The following P2RY8 variants were observed in gnomAD, a reference collection of about 807,000 sequenced individuals.
P2RY8 encodes S-geranylgeranyl-glutathione receptor P2RY8.
A neutral mutation model predicts 10.0 loss-of-function variants in P2RY8; 6 were observed. That is an observed-to-expected ratio of 0.60 (90% CI 0.33 to 1.19). The LOEUF (loss-of-function observed/expected upper bound fraction) is 1.19. Ranked by LOEUF, P2RY8 falls within the 50% of genes most tolerant of loss-of-function variation. The pLI is 0.04. For missense variants in P2RY8, 456 were observed against 542.0 expected (o/e 0.84, Z 1.58); for synonymous variants, 276 against 252.5 (o/e 1.09, Z -0.88).
intron 1 of P2RY8, among the ~76,000 whole-genome samples, chrX:1,506,168 T>G (rs112234345): frequency 6.6e-6 from 1 of 152,002 alleles, no homozygotes; most frequent in South Asian, 2.1e-4. Flanking sequence ...AATTTTTGTA[T>G]TTTTAGTAGA....
chrX:1,527,464 T>C (rs2092446627), intron 1 of P2RY8, among the ~76,000 whole-genome samples: 1 of 152,174 alleles, frequency 6.6e-6, no homozygotes, highest in African/African-American at 2.4e-5. Flanking sequence ...CACTCATCCA[T>C]CCATCCGTTC....
chrX:1,524,401 C>CCCTCCATCCATG (rs1556685860), intron 1 of P2RY8, among the ~76,000 whole-genome samples: 3 of 37,242 alleles, frequency 8.1e-5, no homozygotes, highest in African/African-American at 2.3e-4. Context: ...ATCCCTCCAT[C>CCCTCCATCCATG]CATGCATGCA....
chrX:1,485,387 C>T (rs1261630423), intron 1 of P2RY8, among the ~76,000 whole-genome samples: 2 of 152,066 alleles, frequency 1.3e-5, no homozygotes, highest in African/African-American at 2.4e-5. Context: ...AATCCACTTG[C>T]CTTGGCCACC....
At chrX:1,482,293 G>GAAA (rs770409627) in intron 1 of P2RY8, among the ~76,000 whole-genome samples, 123 of 129,812 alleles carry the variant, frequency 9.5e-4, no homozygotes, top group African/African-American at 3.1e-3. Flanking sequence ...GCCATTTGGT[G>GAAA]AAAAAAAAAA....
intron 1 of P2RY8, among the ~76,000 whole-genome samples, chrX:1,504,444 C>T (rs2092211441): frequency 1.3e-5 from 2 of 152,166 alleles, no homozygotes; most frequent in African/African-American, 4.8e-5. Context: ...ACCCTGTCCA[C>T]CTCATGACAG....
chrX:1,531,478 G>C (rs1364839715), intron 1 of P2RY8, among the ~76,000 whole-genome samples: 1 of 152,068 alleles, frequency 6.6e-6, no homozygotes, highest in Non-Finnish European at 1.5e-5. Flanking sequence ...TGCCCAGCCC[G>C]AGGGGTTAGC....
At chrX:1,533,610 TATTATATATTTATATA>T (rs2092498584) in intron 1 of P2RY8, among the ~76,000 whole-genome samples, 1 of 82,870 alleles carries the variant, frequency 1.2e-5, no homozygotes, top group Non-Finnish European at 2.3e-5. Context: ...TATTTAAATA[TATTATATATTTATATA>T]TTATTATTTA....
At position 1,466,564 on chromosome X, in the gene P2RY8, AG is replaced by A; in HGVS notation, c.-7del. On this transcript the variant is annotated 5_prime_UTR_variant, in exon 2 of 2. Coordinates refer to ENST00000381297, the MANE Select transcript of P2RY8 (RefSeq NM_178129.5). The stretch of plus-strand genomic sequence containing the variant: ...GTGCTGTTCGGGACCTGCATCCTGG[AG>A]GGGTCCTCGCCCGGGCTCTGCAAGG... 1 of 1,601,574 alleles carries A rather than the reference AG, an allele frequency of 6.2e-7. No individual in the cohort carries two copies. Among genetic ancestry groups the A allele is most frequent in the East Asian group, 2.2e-5 (1 of 44,802 alleles).
At chrX:1,534,211 T>C (rs1216298478) in intron 1 of P2RY8, among the ~76,000 whole-genome samples, 1 of 141,626 alleles carries the variant, frequency 7.1e-6, no homozygotes, top group East Asian at 2.0e-4. Flanking sequence ...TATATTTATA[T>C]ACTTACTATT....
At chrX:1,468,344 G>A (rs1277973870) in intron 1 of P2RY8, among the ~76,000 whole-genome samples, 3 of 152,200 alleles carry the variant, frequency 2.0e-5, no homozygotes, top group South Asian at 2.1e-4. Context: ...GGCCACCCTC[G>A]TGTCTGTACC....
intron 1 of P2RY8, among the ~76,000 whole-genome samples, chrX:1,510,961 G>T (rs868415398): frequency 6.6e-6 from 1 of 151,902 alleles, no homozygotes; most frequent in Non-Finnish European, 1.5e-5. Context: ...GGTGGATCAC[G>T]GGGTCAGGAG....
chrX:1,506,319 C>T (rs1167788452), intron 1 of P2RY8, among the ~76,000 whole-genome samples: 1 of 151,988 alleles, frequency 6.6e-6, no homozygotes, highest in Non-Finnish European at 1.5e-5. Context: ...AAACATGCTC[C>T]CCTGTGCCCT....
chrX:1,467,864 A>G (rs1417565565), intron 1 of P2RY8, among the ~76,000 whole-genome samples: 1 of 152,048 alleles, frequency 6.6e-6, no homozygotes. Context: ...TTTTTTGTAG[A>G]TACAGAGTTT....
intron 1 of P2RY8, among the ~76,000 whole-genome samples, chrX:1,490,825 TG>T (rs1352704731): frequency 6.8e-5 from 10 of 148,130 alleles, no homozygotes; most frequent in Middle Eastern, 7.3e-3. Flanking sequence ...CCTGCAAATG[TG>T]GGGGGAATGA....
chrX:1,528,179 T>A (rs2092451037), intron 1 of P2RY8, among the ~76,000 whole-genome samples: 1 of 152,246 alleles, frequency 6.6e-6, no homozygotes, highest in African/African-American at 2.4e-5. Flanking sequence ...GATGGACATA[T>A]GGACACTGTA....
At chrX:1,503,163 G>A (rs1452739690) in intron 1 of P2RY8, among the ~76,000 whole-genome samples, 4 of 151,568 alleles carry the variant, frequency 2.6e-5, no homozygotes, top group East Asian at 1.9e-4. Context: ...GGAATGACGC[G>A]GCCACAAGCC....
chrX:1,466,349 C>G lies in P2RY8; in HGVS notation c.210G>C (p.Leu70=), dbSNP rs779012450. ...IFMINLSVTD[L]MLASVLPFQI... The stretch of plus-strand genomic sequence containing the variant: ...GGAAAGGCAACACGCTGGCCAGCAT[C>G]AGGTCCGTGACGCTCAGGTTGATCA... The change falls in exon 2 of 2, where the codon CTG becomes CTC. Residue 70 remains leucine (L), a synonymous_variant. Transcript: ENST00000381297. 3 of 1,613,866 alleles carry G rather than the reference C, an allele frequency of 1.9e-6. No homozygotes were observed. In the South Asian group the frequency reaches 3.3e-5, roughly 18 times the overall value.
At chrX:1,530,269 T>TTATCTATC (rs770613678) in intron 1 of P2RY8, among the ~76,000 whole-genome samples, 2,917 of 148,376 alleles carry the variant, frequency 0.02, 26 homozygotes, top group Non-Finnish European at 0.02. Flanking sequence ...ATCATCACCA[T>TTATCTATC]TATCTATCTA....
chrX:1,504,193 G>A (rs2092207873), intron 1 of P2RY8, among the ~76,000 whole-genome samples: 2 of 151,734 alleles, frequency 1.3e-5, no homozygotes, highest in African/African-American at 4.8e-5. Flanking sequence ...GCAGGCGCCT[G>A]TAGTCCCAGC....
Sources: gnomAD v4.1 joint callset for allele counts (sites outside exome capture counted in the v4.1 genomes callset) on GRCh38, gnomAD v4.1.1 for gene constraint, MANE v1.5 for transcripts, NCBI Gene and HGNC (gene_info 2026-07-23, HGNC 2026-07-21) for gene names.